The following TRAPPC3L variants were observed in gnomAD, a reference collection of about 807,000 sequenced individuals.
TRAPPC3L encodes the protein trafficking protein particle complex subunit 3-like protein.
A neutral mutation model predicts 23.7 loss-of-function variants in TRAPPC3L; 23 were observed. The observed-to-expected ratio is 0.97, with a 90% CI of 0.70 to 1.37. TRAPPC3L has a LOEUF of 1.37. TRAPPC3L is among the 40% of genes most tolerant of loss of function. TRAPPC3L has a pLI of 0.00. For missense variants in TRAPPC3L, 212 were observed against 216.8 expected (o/e 0.98, Z 0.14); for synonymous variants, 81 against 77.9 (o/e 1.04, Z -0.21).
At chr6:116,517,126 T>C (rs910886426) in intron 3 of TRAPPC3L, 1 of 152,094 alleles carries the variant, frequency 6.6e-6, no homozygotes, top group Non-Finnish European at 1.5e-5. Context: ...CTAATCCCAT[T>C]CCTGGAGGCT....
chr6:116,517,609 T>C (rs906794722), intron 3 of TRAPPC3L: 1 of 152,196 alleles, frequency 6.6e-6, no homozygotes, highest in Non-Finnish European at 1.5e-5. Flanking sequence ...TATGTTATTG[T>C]CATTTACAAG....
At chr6:116,531,178 T>C (rs771350695) in intron 3 of TRAPPC3L, among the ~76,000 whole-genome samples, 1 of 151,872 alleles carries the variant, frequency 6.6e-6, no homozygotes, top group Non-Finnish European at 1.5e-5. Flanking sequence ...TGACCTAGCA[T>C]GAAACTCTAC....
intron 3 of TRAPPC3L, among the ~76,000 whole-genome samples, chr6:116,505,877 T>C (rs62425248): frequency 0.016 from 2,395 of 152,300 alleles, 22 homozygotes; most frequent in Non-Finnish European, 0.026. Flanking sequence ...TCAAGATGGA[T>C]TAAAGACTTA....
At chr6:116,535,990 G>C (rs1262341290) in intron 3 of TRAPPC3L, among the ~76,000 whole-genome samples, 1 of 152,130 alleles carries the variant, frequency 6.6e-6, no homozygotes, top group African/African-American at 2.4e-5. Flanking sequence ...GGAAATACAG[G>C]TAATAGGTAG....
intron 3 of TRAPPC3L, chr6:116,523,882 G>A (rs1347418825): frequency 3.9e-5 from 6 of 152,108 alleles, no homozygotes; most frequent in Non-Finnish European, 7.4e-5. Flanking sequence ...CAGATTAACA[G>A]TATTAAGAAA....
chr6:116,536,454 T>C (rs1773099218), intron 3 of TRAPPC3L, among the ~76,000 whole-genome samples: 1 of 152,230 alleles, frequency 6.6e-6, no homozygotes, highest in Non-Finnish European at 1.5e-5. Flanking sequence ...TACCTGAAGT[T>C]ACACAGTCCT....
chr6:116,526,596 T>C (rs955148191), intron 3 of TRAPPC3L, among the ~76,000 whole-genome samples: 5 of 152,136 alleles, frequency 3.3e-5, no homozygotes, highest in Non-Finnish European at 7.4e-5. Context: ...TTGATAACCC[T>C]TGCCCGGGAG....
chr6:116,524,439 A>C (rs1190426960), intron 3 of TRAPPC3L: 1 of 151,024 alleles, frequency 6.6e-6, no homozygotes, highest in Non-Finnish European at 1.5e-5. Flanking sequence ...CTATTCTCTG[A>C]ATTCTTACAT....
At chr6:116,512,221 T>C (rs1315961844) in intron 3 of TRAPPC3L, 1 of 1,597,150 alleles carries the variant, frequency 6.3e-7, no homozygotes, top group Non-Finnish European at 8.5e-7. Flanking sequence ...AACTCTCCCT[T>C]CAGGCCCAGT....
chr6:116,497,130 A>T (rs774809442), intron 4 of TRAPPC3L, 57 bp from the exon 5 acceptor site: 16 of 1,491,458 alleles, frequency 1.1e-5, no homozygotes, highest in Non-Finnish European at 1.3e-5. Context: ...AAAAAACTAA[A>T]TTTTCTCAGT....
At chr6:116,499,149 A>G (rs1771875068) in intron 4 of TRAPPC3L, among the ~76,000 whole-genome samples, 2 of 152,190 alleles carry the variant, frequency 1.3e-5, no homozygotes, top group African/African-American at 4.8e-5. Flanking sequence ...TAGTACAACC[A>G]TCTCTACAGG....
At chr6:116,544,022 C>A in intron 1 of TRAPPC3L, 1 of 665,774 alleles carries the variant, frequency 1.5e-6, no homozygotes, top group Non-Finnish European at 2.5e-6. Context: ...TTCCAAGAAC[C>A]TAATAATAAA....
intron 3 of TRAPPC3L, among the ~76,000 whole-genome samples, chr6:116,510,702 AC>A (rs1772098301): frequency 6.6e-6 from 1 of 152,106 alleles, no homozygotes; most frequent in South Asian, 2.1e-4. Context: ...TTAAAAAAAA[AC>A]ACCTGCACAT....
Position 116,540,437 on chromosome 6 carries a change from C to T in TRAPPC3L, c.166G>A (p.Val56Met), listed in dbSNP as rs1773370197. ...CAGGATCGAGCCAAAAAGTCTTCCACAAGCCGCGTTCCAATGCCGTAACCC... is the reference window on the plus strand; with the variant it reads ...CAGGATCGAGCCAAAAAGTCTTCCATAAGCCGCGTTCCAATGCCGTAACCC... ...KMGYGIGTRL[V>M]EDFLARSCVG... Residue 56 changes from valine to methionine, a missense_variant, in exon 3 of 5, where the codon GTG (valine) becomes ATG (methionine). Val to Met is a conservative substitution (Grantham distance 21). Coordinates refer to ENST00000368602, the MANE Select transcript of TRAPPC3L (RefSeq NM_001139444.3). 6.4e-7 allele frequency: 1 copy of T among 1,551,216 alleles called. No individual in the cohort carries two copies. The highest frequency in any genetic ancestry group is 1.2e-5 in the South Asian group (1 of 84,058).
chr6:116,525,896 A>G (rs1229487774), intron 3 of TRAPPC3L, among the ~76,000 whole-genome samples: 2 of 152,190 alleles, frequency 1.3e-5, no homozygotes, highest in Admixed American at 1.3e-4. Flanking sequence ...CAATCATAAT[A>G]ATTGCTGATG....
chr6:116,539,428 T>G (rs1224619652), intron 3 of TRAPPC3L, among the ~76,000 whole-genome samples: 1 of 152,174 alleles, frequency 6.6e-6, no homozygotes, highest in East Asian at 1.9e-4. Flanking sequence ...ATCTTTCATT[T>G]GGATTGTATT....
chr6:116,512,271 A>G (rs1379452183), intron 3 of TRAPPC3L: 3 of 1,560,152 alleles, frequency 1.9e-6, no homozygotes, highest in Non-Finnish European at 2.6e-6. Flanking sequence ...TTCTCTCAGC[A>G]TGAGCTCGAA....
intron 3 of TRAPPC3L, among the ~76,000 whole-genome samples, chr6:116,506,235 C>T (rs938907727): frequency 6.6e-6 from 1 of 152,142 alleles, no homozygotes; most frequent in Non-Finnish European, 1.5e-5. Context: ...CAAAAAAAGA[C>T]ATTTATGCAG....
In TRAPPC3L at chr6:116,525,429, A is replaced by T. The variant is rs73769117; in HGVS notation, c.240+14934T>A. On this transcript the variant is annotated intron_variant, in intron 3 of 4. Transcript: ENST00000368602. ...GTAAACTTTCCATTTTATTTTTTTA[A>T]AAATTTCCTTAGATAAAAATGACAA... Among the ~76,000 whole-genome samples, 861 of 152,238 alleles carry T rather than the reference A, an allele frequency of 5.7e-3. 10 individuals are homozygous for T. The highest frequency in any genetic ancestry group is 0.02 in the African/African-American group (838 of 41,536).
Sources: allele counts gnomAD v4.1 joint callset (sites outside exome capture counted in the v4.1 genomes callset), GRCh38; gene constraint gnomAD v4.1.1; transcripts MANE v1.5; gene names NCBI Gene and HGNC (gene_info 2026-07-23, HGNC 2026-07-21).